AFG2A: variants seen among roughly 807,000 people sequenced by gnomAD.
AFG2A encodes AAA ATPase AFG2A.
chr4:122,995,346 T>G, the AFG2A span, among the ~76,000 whole-genome samples: 1 of 152,128 alleles, frequency 6.6e-6, no homozygotes, highest in Non-Finnish European at 1.5e-5. Context: ...GACAGAAAAG[T>G]GTCTTCTATC....
the AFG2A span, among the ~76,000 whole-genome samples, chr4:123,215,813 G>A: frequency 1.3e-5 from 2 of 152,184 alleles, no homozygotes; most frequent in South Asian, 2.1e-4. Flanking sequence ...AAGATGAAAA[G>A]GACATTCTAA....
chr4:123,313,913 C>T, the AFG2A span: 7 of 1,602,922 alleles, frequency 4.4e-6, no homozygotes, highest in African/African-American at 6.7e-5. Context: ...AGAGAGGCAG[C>T]TCTTCTGGCT....
At chr4:123,302,977 C>A in the AFG2A span, among the ~76,000 whole-genome samples, 26 of 152,200 alleles carry the variant, frequency 1.7e-4, no homozygotes, top group East Asian at 2.9e-3. Flanking sequence ...TGTAGGTGAT[C>A]AATAAAGATT....
chr4:123,256,374 T>C, the AFG2A span, among the ~76,000 whole-genome samples: 1 of 152,242 alleles, frequency 6.6e-6, no homozygotes, highest in East Asian at 1.9e-4. Flanking sequence ...ACAATTGTTT[T>C]TTACTTGCTC....
At chr4:122,949,302 A>G in the AFG2A span, among the ~76,000 whole-genome samples, 1 of 152,186 alleles carries the variant, frequency 6.6e-6, no homozygotes, top group Non-Finnish European at 1.5e-5. Flanking sequence ...GGGGAGTGAC[A>G]TTAACTTGCT....
At chr4:123,248,337 T>A in the AFG2A span, among the ~76,000 whole-genome samples, 7 of 152,304 alleles carry the variant, frequency 4.6e-5, no homozygotes, top group African/African-American at 1.7e-4. Flanking sequence ...GTCTCTAAAG[T>A]CATTCTTCTC....
chr4:123,203,297 C>T, the AFG2A span, among the ~76,000 whole-genome samples: 126 of 151,934 alleles, frequency 8.3e-4, no homozygotes, highest in African/African-American at 2.9e-3. Flanking sequence ...ATTACAGGTG[C>T]TCTCCACCAC....
chr4:123,013,040 C>G, the AFG2A span, among the ~76,000 whole-genome samples: 11 of 151,982 alleles, frequency 7.2e-5, no homozygotes, highest in African/African-American at 2.4e-4. Flanking sequence ...GGGCTGAGTC[C>G]GAAAAGAGAG....
chr4:123,163,109 A>C, the AFG2A span, among the ~76,000 whole-genome samples: 45 of 152,310 alleles, frequency 3.0e-4, no homozygotes, highest in Middle Eastern at 3.4e-3. Flanking sequence ...TAACGTGATT[A>C]ACCAAGCTGA....
chr4:123,302,118 C>T, the AFG2A span, among the ~76,000 whole-genome samples: 1 of 152,186 alleles, frequency 6.6e-6, no homozygotes, highest in South Asian at 2.1e-4. Context: ...CTTGCCCACA[C>T]CATCCCCCGA....
chr4:123,233,254 A>T, the AFG2A span, among the ~76,000 whole-genome samples: 1 of 151,220 alleles, frequency 6.6e-6, no homozygotes. Flanking sequence ...TATTTTCTTT[A>T]AAAAAATTAT....
chr4:123,289,972 C>T, the AFG2A span, among the ~76,000 whole-genome samples: 3 of 152,032 alleles, frequency 2.0e-5, no homozygotes, highest in African/African-American at 7.3e-5. Context: ...AAGTATTAAA[C>T]CCAGTATGCA....
the AFG2A span, among the ~76,000 whole-genome samples, chr4:123,248,707 A>G: frequency 6.6e-6 from 1 of 152,316 alleles, no homozygotes; most frequent in East Asian, 1.9e-4. Flanking sequence ...CTGAATATCA[A>G]TTCTTTTTAA....
the AFG2A span, among the ~76,000 whole-genome samples, chr4:123,141,394 G>A: frequency 7.9e-5 from 12 of 152,248 alleles, no homozygotes; most frequent in Middle Eastern, 3.4e-3. Flanking sequence ...ACCCAGAGGC[G>A]GAGGTTGCAG....
chr4:123,283,745 T>C, the AFG2A span, among the ~76,000 whole-genome samples: 3 of 152,170 alleles, frequency 2.0e-5, no homozygotes, highest in Non-Finnish European at 2.9e-5. Context: ...TCCATAAAGT[T>C]GTATTGGAAC....
the AFG2A span, among the ~76,000 whole-genome samples, chr4:123,170,489 G>T: frequency 2.0e-5 from 3 of 152,104 alleles, no homozygotes; most frequent in South Asian, 4.1e-4. Flanking sequence ...CATTCATTTT[G>T]TCTCCTGGTT....
At chr4:123,160,457 A>T in the AFG2A span, among the ~76,000 whole-genome samples, 1 of 152,162 alleles carries the variant, frequency 6.6e-6, no homozygotes. Flanking sequence ...TGCCCCTTCC[A>T]AAGACCAGGC....
the AFG2A span, chr4:123,318,750 T>G: frequency 9.4e-6 from 1 of 106,572 alleles, no homozygotes; most frequent in African/African-American, 3.0e-5. Context: ...TGTAGCGAGA[T>G]CCTATCTCTT....
chr4:123,074,836 T>C, the AFG2A span, among the ~76,000 whole-genome samples: 1 of 152,174 alleles, frequency 6.6e-6, no homozygotes, highest in Admixed American at 6.5e-5. Flanking sequence ...TTTCAAAAAA[T>C]TTCTTCTTTC....
Sources: gnomAD v4.1 joint callset for allele counts (sites outside exome capture counted in the v4.1 genomes callset) on GRCh38, gnomAD v4.1.1 for gene constraint, MANE v1.5 for transcripts, NCBI Gene and HGNC (gene_info 2026-07-23, HGNC 2026-07-21) for gene names.